CNTN3: variants seen among roughly 807,000 people sequenced by gnomAD.
CNTN3 encodes contactin 3.
In CNTN3, 60 loss-of-function variants were observed where a neutral mutation model predicts 119.1. The ratio of observed to expected loss-of-function variants is 0.50; its 90% CI spans 0.41 to 0.62. The LOEUF is 0.62. Among genes scored for constraint, CNTN3 ranks in the 20% least tolerant of loss-of-function variants. The pLI is 0.00. For synonymous variants in CNTN3, 450 were observed against 438.7 expected (o/e 1.03, Z -0.32); for missense variants, 1,101 against 1,242.4 (o/e 0.89, Z 1.71).
chr3:74,312,455 CAAAAAAAAAAAAA>C (rs745514119), intron 13 of CNTN3, among the ~76,000 whole-genome samples: 2 of 27,808 alleles, frequency 7.2e-5, no homozygotes, highest in Admixed American at 5.2e-4. Flanking sequence ...GACTCCATCT[CAAAAAAAAAAAAA>C]AAAAAAAAAA....
chr3:74,302,504 G>A (rs1702480018), intron 14 of CNTN3, among the ~76,000 whole-genome samples, 186 bp downstream of exon 14: 1 of 152,164 alleles, frequency 6.6e-6, no homozygotes, highest in Non-Finnish European at 1.5e-5. Context: ...TTGAAGGGCA[G>A]AGTTGAGATT....
chr3:74,456,432 G>T (rs1559612426), intron 4 of CNTN3, among the ~76,000 whole-genome samples: 1 of 152,064 alleles, frequency 6.6e-6, no homozygotes, highest in East Asian at 1.9e-4. Flanking sequence ...AACACATTAG[G>T]ATTATGTTGC....
At chr3:74,453,573 G>A (rs528851285) in intron 4 of CNTN3, among the ~76,000 whole-genome samples, 23 of 151,594 alleles carry the variant, frequency 1.5e-4, no homozygotes, top group Admixed American at 9.2e-4. Context: ...GAATGTGTTT[G>A]CTCTTGCTTT....
chr3:74,571,244 A>C (rs999458617), intron 1 of CNTN3, among the ~76,000 whole-genome samples: 1 of 152,208 alleles, frequency 6.6e-6, no homozygotes, highest in African/African-American at 2.4e-5. Context: ...TACTGCAGAT[A>C]GTGTTCTAGC....
intron 13 of CNTN3, among the ~76,000 whole-genome samples, chr3:74,321,765 C>T (rs1228093494): frequency 6.6e-6 from 1 of 152,132 alleles, no homozygotes; most frequent in Non-Finnish European, 1.5e-5. Context: ...ATGAACAATG[C>T]TATGTCTACA....
chr3:74,494,156 T>C (rs148314916), intron 3 of CNTN3, among the ~76,000 whole-genome samples: 98 of 152,160 alleles, frequency 6.4e-4, no homozygotes, highest in Admixed American at 1.1e-3. Context: ...GCCCTCCTCA[T>C]ACGAACCTGG....
At chr3:74,468,494 T>G (rs1702504343) in intron 4 of CNTN3, among the ~76,000 whole-genome samples, 1 of 152,168 alleles carries the variant, frequency 6.6e-6, no homozygotes, top group South Asian at 2.1e-4. Flanking sequence ...CTTACTGAAT[T>G]TCATTTCCAT....
chr3:74,429,847 A>AG (rs1200748127), intron 4 of CNTN3, among the ~76,000 whole-genome samples: 1 of 152,212 alleles, frequency 6.6e-6, no homozygotes, highest in African/African-American at 2.4e-5. Flanking sequence ...TTCACTGAAG[A>AG]GGAAAAACAG....
intron 5 of CNTN3, among the ~76,000 whole-genome samples, chr3:74,396,139 A>T (rs191543266): frequency 1.8e-4 from 27 of 152,238 alleles, no homozygotes; most frequent in Non-Finnish European, 3.4e-4. Flanking sequence ...TAGGCCAATT[A>T]ATTATCCTAC....
chr3:74,369,181 A>G lies in CNTN3; in HGVS notation c.946+8T>C. The stretch of plus-strand genomic sequence containing the variant: ...TAAAACTCCAATTTGCCCAAAGCAG[A>G]TGCTCACCATAGTAAGTGAGACGCC... On this transcript the variant is annotated splice_region_variant and intron_variant, in intron 8 of 22. Coordinates refer to ENST00000263665, the MANE Select transcript of CNTN3 (RefSeq NM_020872.3). 3 of 1,579,416 alleles carry G rather than the reference A, an allele frequency of 1.9e-6. No homozygotes were observed. Among genetic ancestry groups the G allele is most frequent in the South Asian group, 1.2e-5 (1 of 85,730 alleles).
Position 74,486,527 on chromosome 3 carries a change from C to G in CNTN3, c.287G>C (p.Gly96Ala), listed in dbSNP as rs1263780398. Residue 96 changes from glycine (G) to alanine (A), a missense_variant, in exon 4 of 23, where the codon GGA becomes GCA. By Grantham distance (60) the Gly-to-Ala change is moderately conservative (BLOSUM62 0). Transcript: ENST00000263665. ...ATTTGTTGCAAAACATTGGTAAGTT[C>G]CTGTATCCCAATTTCTGTTGGGATT... ...VINPNRNWDT[G>A]TYQCFATNSL... The G allele has an allele frequency of 2.5e-6, 4 of 1,609,872 alleles. No homozygotes were observed. Among genetic ancestry groups the G allele is most frequent in the Non-Finnish European group, 3.4e-6 (4 of 1,179,072 alleles).
chr3:74,571,084 A>G (rs1269299582), intron 1 of CNTN3, among the ~76,000 whole-genome samples: 1 of 152,242 alleles, frequency 6.6e-6, no homozygotes, highest in Non-Finnish European at 1.5e-5. Flanking sequence ...CCGTGAAACA[A>G]TAATTTCTCC....
chr3:74,550,566 T>C (rs1409366823), intron 1 of CNTN3, among the ~76,000 whole-genome samples: 2 of 152,134 alleles, frequency 1.3e-5, no homozygotes, highest in Non-Finnish European at 2.9e-5. Flanking sequence ...TTGAGACAGC[T>C]CTTTCTCTGT....
chr3:74,507,478 G>A (rs1703283330), intron 2 of CNTN3, among the ~76,000 whole-genome samples: 1 of 151,094 alleles, frequency 6.6e-6, no homozygotes, highest in East Asian at 1.9e-4. Context: ...GTATTTTACA[G>A]CTGTAATCTC....
intron 4 of CNTN3, among the ~76,000 whole-genome samples, chr3:74,482,004 A>T (rs1448510642): frequency 6.6e-6 from 1 of 151,956 alleles, no homozygotes; most frequent in African/African-American, 2.4e-5. Context: ...TACTCAATAC[A>T]TTCAATGAGT....
At chr3:74,546,872 ACAGT>A (rs1345839530) in intron 1 of CNTN3, among the ~76,000 whole-genome samples, 4 of 152,204 alleles carry the variant, frequency 2.6e-5, no homozygotes, top group Non-Finnish European at 5.9e-5. Context: ...TGGCTAATAC[ACAGT>A]CAAATACTCA....
intron 10 of CNTN3, among the ~76,000 whole-genome samples, chr3:74,362,923 C>T (rs112589615): frequency 5.9e-5 from 9 of 152,138 alleles, no homozygotes; most frequent in East Asian, 5.8e-4. Flanking sequence ...GGTTGTTGGC[C>T]TTAAAAATTA....
chr3:74,441,658 A>G (rs1701968556), intron 4 of CNTN3, among the ~76,000 whole-genome samples: 1 of 152,314 alleles, frequency 6.6e-6, no homozygotes, highest in African/African-American at 2.4e-5. Flanking sequence ...TGGAGGATAA[A>G]ATGAGATGAA....
At chr3:74,548,299 G>C (rs1703942638) in intron 1 of CNTN3, among the ~76,000 whole-genome samples, 1 of 152,080 alleles carries the variant, frequency 6.6e-6, no homozygotes, top group Admixed American at 6.6e-5. Context: ...TCAGTAGTTG[G>C]CCATTTAGAT....
Sources: gnomAD v4.1 joint callset for allele counts (sites outside exome capture counted in the v4.1 genomes callset) on GRCh38, gnomAD v4.1.1 for gene constraint, MANE v1.5 for transcripts, NCBI Gene and HGNC (gene_info 2026-07-23, HGNC 2026-07-21) for gene names.